The following GPC5 variants were observed in gnomAD, a reference collection of about 807,000 sequenced individuals.
GPC5 encodes the protein glypican-5.
Under a neutral mutation model 53.9 loss-of-function variants are expected in GPC5, and 47 were observed. That is an observed-to-expected ratio of 0.87 (90% CI 0.69 to 1.11). GPC5 has a LOEUF of 1.11. Ranked by LOEUF, GPC5 falls within the 50% of genes most tolerant of loss-of-function variation. The probability of loss-of-function intolerance (pLI) is 0.00; values close to 1 mark genes in which losing one functional copy is unlikely to be tolerated. For missense variants in GPC5, 748 were observed against 713.1 expected, an observed-to-expected ratio of 1.05 and a Z score of -0.56; for synonymous variants, 286 against 263.3, an observed-to-expected ratio of 1.09 and a Z score of -0.84.
At chr13:92,694,642 G>C (rs955539289) in intron 7 of GPC5, among the ~76,000 whole-genome samples, 1 of 152,308 alleles carries the variant, frequency 6.6e-6, no homozygotes, top group East Asian at 1.9e-4. Flanking sequence ...CATCCTAGAA[G>C]TAACTAATTT....
chr13:92,595,725 G>A lies in GPC5; in HGVS notation c.1562-270557G>A, dbSNP rs902965592. On this transcript the variant is annotated intron_variant, in intron 7 of 7. Coordinates refer to ENST00000377067, the MANE Select transcript of GPC5 (RefSeq NM_004466.6). ...GGAGCTTGCAGTGAGCAGAGATCGC[G>A]CCACTGCACTCCAGCCTGGGCGAAA... is the stretch of plus-strand genomic sequence containing the variant. Among the ~76,000 whole-genome samples, 11 of 128,804 alleles carry A rather than the reference G, an allele frequency of 8.5e-5. No individual in the cohort carries two copies. In the East Asian group the frequency reaches 1.2e-3, roughly 14 times the overall value. The allele number at this position is 128,804 out of a possible 152,430, so 84.5% of individuals were successfully genotyped here. A position where few individuals can be genotyped will look rare whatever the true frequency, so the allele number is the denominator to read the frequency against.
At chr13:91,487,032 C>T (rs1301383769) in intron 2 of GPC5, among the ~76,000 whole-genome samples, 4 of 151,442 alleles carry the variant, frequency 2.6e-5, no homozygotes, top group South Asian at 2.1e-4. Context: ...TAAAAATATC[C>T]AAATCGAGCT....
At chr13:91,848,218 C>T (rs961154183) in intron 5 of GPC5, among the ~76,000 whole-genome samples, 5 of 152,222 alleles carry the variant, frequency 3.3e-5, no homozygotes, top group African/African-American at 1.2e-4. Flanking sequence ...GAAAACATAA[C>T]TTGCTCTATT....
intron 5 of GPC5, among the ~76,000 whole-genome samples, chr13:91,806,021 ATTTTTTT>A (rs71113764): frequency 1.0e-4 from 5 of 48,558 alleles, no homozygotes; most frequent in African/African-American, 1.7e-4. Context: ...AAATACAATA[ATTTTTTT>A]TTTTTTTTTT....
At chr13:91,836,707 A>C (rs1566295019) in intron 5 of GPC5, among the ~76,000 whole-genome samples, 1 of 151,924 alleles carries the variant, frequency 6.6e-6, no homozygotes, top group East Asian at 1.9e-4. Context: ...TTCTGTTCAT[A>C]TTTGCCATCA....
intron 5 of GPC5, among the ~76,000 whole-genome samples, chr13:91,767,923 T>C (rs1250938914): frequency 6.6e-6 from 1 of 152,186 alleles, no homozygotes; most frequent in Non-Finnish European, 1.5e-5. Flanking sequence ...AGCAGCAGTC[T>C]TCAAGGCTCC....
chr13:92,140,060 A>C (rs1010066206), intron 6 of GPC5, among the ~76,000 whole-genome samples: 3 of 152,238 alleles, frequency 2.0e-5, no homozygotes, highest in Non-Finnish European at 4.4e-5. Flanking sequence ...CAGAGTTAAA[A>C]TTATCACAGA....
chr13:92,374,145 T>TATAGTTTC (rs1458664261), intron 7 of GPC5, among the ~76,000 whole-genome samples: 2 of 152,130 alleles, frequency 1.3e-5, no homozygotes, highest in Non-Finnish European at 2.9e-5. Context: ...GAAACCATGG[T>TATAGTTTC]ATAGTTTCAA....
intron 1 of GPC5, among the ~76,000 whole-genome samples, chr13:91,419,779 AC>A (rs917055114): frequency 1.8e-4 from 28 of 152,180 alleles, no homozygotes; most frequent in African/African-American, 6.8e-4. Context: ...TCAGATCAAA[AC>A]TTTTAAACAT....
intron 7 of GPC5, among the ~76,000 whole-genome samples, chr13:92,197,904 G>A (rs564258095): frequency 6.6e-6 from 1 of 152,106 alleles, no homozygotes; most frequent in South Asian, 2.1e-4. Flanking sequence ...ACCACTCTGA[G>A]TCATTGCATG....
intron 5 of GPC5, among the ~76,000 whole-genome samples, chr13:91,884,071 A>G (rs930799122): frequency 6.6e-6 from 1 of 152,216 alleles, no homozygotes; most frequent in Admixed American, 6.5e-5. Context: ...CACCATTCAG[A>G]ATGGTTATTA....
chr13:92,562,894 C>A (rs899556262), intron 7 of GPC5, among the ~76,000 whole-genome samples: 2 of 151,756 alleles, frequency 1.3e-5, no homozygotes, highest in Admixed American at 6.6e-5. Context: ...AAGATTTTGC[C>A]GAATGGTAAA....
At chr13:91,509,782 A>G (rs1223834690) in intron 2 of GPC5, among the ~76,000 whole-genome samples, 1 of 152,146 alleles carries the variant, frequency 6.6e-6, no homozygotes, top group Non-Finnish European at 1.5e-5. Flanking sequence ...TGGGCATTGG[A>G]CCAGGTATCT....
intron 5 of GPC5, among the ~76,000 whole-genome samples, chr13:91,843,602 T>C (rs1440963791): frequency 2.6e-5 from 4 of 152,178 alleles, no homozygotes; most frequent in Non-Finnish European, 4.4e-5. Flanking sequence ...AAATTACTTA[T>C]AGAAAATGTG....
At chr13:92,771,256 C>G (rs1177740) in intron 7 of GPC5, among the ~76,000 whole-genome samples, 125,193 of 152,116 alleles carry the variant, frequency 0.82, 52,165 homozygotes, top group African/African-American at 0.96. Flanking sequence ...CTCACCACTT[C>G]GCTTTGGGGC....
intron 7 of GPC5, among the ~76,000 whole-genome samples, chr13:92,323,912 A>G (rs7985276): frequency 0.029 from 4,397 of 152,056 alleles, 218 homozygotes; most frequent in African/African-American, 0.1. Flanking sequence ...TATCAAAAAA[A>G]TAATACTTTA....
intron 7 of GPC5, among the ~76,000 whole-genome samples, chr13:92,402,943 T>G (rs1470807876): frequency 6.6e-6 from 1 of 152,164 alleles, no homozygotes; most frequent in African/African-American, 2.4e-5. Flanking sequence ...GCTCTGCTTG[T>G]TTTTCTCTAA....
At chr13:91,454,644 A>G (rs1186335057) in intron 2 of GPC5, among the ~76,000 whole-genome samples, 1 of 152,124 alleles carries the variant, frequency 6.6e-6, no homozygotes, top group African/African-American at 2.4e-5. Flanking sequence ...GAACTGCATG[A>G]ATAAATGAAT....
Position 91,427,461 on chromosome 13 carries a change from A to G in GPC5, c.164-21300A>G, listed in dbSNP as rs540955416. On this transcript the variant is annotated intron_variant, in intron 1 of 7. Coordinates refer to ENST00000377067, the MANE Select transcript of GPC5 (RefSeq NM_004466.6). Reference sequence around the variant, plus strand: ...TTTAATGCCTTCCCTGACTGGTTTCATACTTGTATGGGGCCAGTAACCTCT... The same window carrying G: ...TTTAATGCCTTCCCTGACTGGTTTCGTACTTGTATGGGGCCAGTAACCTCT... Among the ~76,000 whole-genome samples the G allele has an allele frequency of 2.3e-4, 35 of 152,314 alleles. No homozygotes were observed. In the South Asian group the frequency reaches 6.8e-3, roughly 30 times the overall value.
Sources: allele counts gnomAD v4.1 joint callset (sites outside exome capture counted in the v4.1 genomes callset), GRCh38; gene constraint gnomAD v4.1.1; transcripts MANE v1.5; gene names NCBI Gene and HGNC (gene_info 2026-07-23, HGNC 2026-07-21).